NAA50: variants seen among roughly 807,000 people sequenced by gnomAD.
NAA50 encodes N-alpha-acetyltransferase 50, NatE catalytic subunit, also known as N-alpha-acetyltransferase 50.
In NAA50, 7 loss-of-function variants were observed where a neutral mutation model predicts 20.7. The observed-to-expected ratio is 0.34, with a 90% CI of 0.19 to 0.63. The LOEUF is 0.63. NAA50 is among the 30% of genes least tolerant of loss of function. The pLI is 0.75. For synonymous variants in NAA50, 54 were observed against 70.6 expected, an observed-to-expected ratio of 0.77 and a Z score of 1.18; for missense variants, 111 against 199.1, an observed-to-expected ratio of 0.56 and a Z score of 2.66.
chr3:113,723,360 A>C (rs1708159533), intron 3 of NAA50, 62 bp downstream of exon 3: 1 of 1,493,910 alleles, frequency 6.7e-7, no homozygotes, highest in Non-Finnish European at 9.1e-7. Context: ...ACTAGGTCAG[A>C]CACATTAACA....
chr3:113,740,677 A>C (rs528915369), intron 1 of NAA50: 3 of 165,254 alleles, frequency 1.8e-5, no homozygotes, highest in African/African-American at 7.2e-5. Context: ...TACCCAGCTG[A>C]GAATCCGAGC....
intron 1 of NAA50, among the ~76,000 whole-genome samples, chr3:113,733,335 C>G (rs1708294545): frequency 7.5e-6 from 1 of 134,090 alleles, no homozygotes; most frequent in Non-Finnish European, 1.7e-5. Context: ...TCTAAAACTA[C>G]TCAATTTTTT....
At chr3:113,736,160 A>T (rs1161216844) in intron 1 of NAA50, among the ~76,000 whole-genome samples, 1 of 152,212 alleles carries the variant, frequency 6.6e-6, no homozygotes, top group Non-Finnish European at 1.5e-5. Context: ...AAAATTGAAG[A>T]CAGTTGTTAT....
At chr3:113,740,614 G>A (rs1360116475) in intron 1 of NAA50, among the ~76,000 whole-genome samples, 1 of 152,176 alleles carries the variant, frequency 6.6e-6, no homozygotes, top group Non-Finnish European at 1.5e-5. Context: ...GGGCTCAAGT[G>A]ATCCTCCTGC....
intron 1 of NAA50, among the ~76,000 whole-genome samples, chr3:113,744,085 T>C (rs957968366): frequency 9.9e-5 from 15 of 152,182 alleles, no homozygotes; most frequent in African/African-American, 3.4e-4. Context: ...CTCATTTTTC[T>C]TACTTAACAG....
chr3:113,731,026 T>G (rs1221041527), intron 1 of NAA50, among the ~76,000 whole-genome samples: 1 of 152,212 alleles, frequency 6.6e-6, no homozygotes, highest in Non-Finnish European at 1.5e-5. Context: ...CTTTTAAAAT[T>G]TATGCTAACA....
intron 1 of NAA50, among the ~76,000 whole-genome samples, chr3:113,729,497 CCTT>C (rs896000862): frequency 3.3e-5 from 5 of 151,734 alleles, no homozygotes; most frequent in Non-Finnish European, 1.5e-5. Flanking sequence ...TGGCAATACT[CCTT>C]GTTTTAAAGT....
At position 113,721,799 on chromosome 3, in the gene NAA50, AG is replaced by A; in HGVS notation, c.470del (p.Pro157LeufsTer34). The A allele has an allele frequency of 6.2e-7, 1 of 1,613,950 alleles. No individual in the cohort carries two copies. The highest frequency in any genetic ancestry group is 8.5e-7 in the Non-Finnish European group (1 of 1,179,850). On this transcript the variant is annotated frameshift_variant, in exon 5 of 5. Transcript: ENST00000240922. LOFTEE classifies it high-confidence loss of function. ...AHVLQKNLKVPSGQNADVQKT... is the reference protein window; with the variant it reads ...AHVLQKNLKVXSGQNADVQKT... Reference sequence around the variant, plus strand: ...TTTGCACATCTGCATTCTGACCAGAAGGAACTTTGAGGTTTTTCTGCAGCAC... The same window carrying A: ...TTTGCACATCTGCATTCTGACCAGAAGAACTTTGAGGTTTTTCTGCAGCAC...
chr3:113,731,118 C>T (rs1708266497), intron 1 of NAA50, among the ~76,000 whole-genome samples: 1 of 152,150 alleles, frequency 6.6e-6, no homozygotes, highest in African/African-American at 2.4e-5. Flanking sequence ...TCATGTATTT[C>T]TTTGCCATTC....
At chr3:113,724,961 A>G (rs1708183633) in intron 1 of NAA50, among the ~76,000 whole-genome samples, 1 of 152,140 alleles carries the variant, frequency 6.6e-6, no homozygotes, top group African/African-American at 2.4e-5. Context: ...TCCCTGCGCA[A>G]CTGTGAGTCA....
In NAA50 at chr3:113,746,099, C is replaced by T; in HGVS notation, c.-150G>A. On this transcript the variant is annotated 5_prime_UTR_variant, in exon 1 of 5. Coordinates refer to ENST00000240922, the MANE Select transcript of NAA50 (RefSeq NM_025146.4). Reference sequence around the variant, plus strand: ...GGAGCTGTGCGAGCAACGAAGGCCGCGAGAGTCGAGTGAGGGCTTGAGTCT... The same window carrying T: ...GGAGCTGTGCGAGCAACGAAGGCCGTGAGAGTCGAGTGAGGGCTTGAGTCT... The T allele has an allele frequency of 1.0e-6, 1 of 1,002,524 alleles. No individual in the cohort carries two copies. 62.1% of individuals were successfully genotyped at this position (1,002,524 alleles called of 1,614,324 possible).
chr3:113,719,966 T>G lies in NAA50; in HGVS notation c.*1794A>C, dbSNP rs1173808255. 1 of 152,668 alleles carries G rather than the reference T, an allele frequency of 6.6e-6. No individual in the cohort carries two copies. The highest frequency in any genetic ancestry group is 1.5e-5 in the Non-Finnish European group (1 of 68,030). 9.5% of individuals were successfully genotyped at this position (152,668 alleles called of 1,614,324 possible). A position where few individuals can be genotyped will look rare whatever the true frequency, so the allele number is the denominator to read the frequency against. The stretch of plus-strand genomic sequence containing the variant: ...CTTGCCAAGAGCAAGCTGAAGCTTA[T>G]TCATGAAGATAAAGGTGCTTAACGC... On this transcript the variant is annotated 3_prime_UTR_variant, in exon 5 of 5. Transcript: ENST00000240922.
At chr3:113,737,491 C>A (rs536233966) in intron 1 of NAA50, among the ~76,000 whole-genome samples, 57 of 152,330 alleles carry the variant, frequency 3.7e-4, no homozygotes, top group Admixed American at 1.3e-3. Context: ...GAGATTTCTA[C>A]CTCATATGAA....
At chr3:113,738,513 T>G (rs1479648447) in intron 1 of NAA50, among the ~76,000 whole-genome samples, 1 of 152,250 alleles carries the variant, frequency 6.6e-6, no homozygotes, top group East Asian at 1.9e-4. Context: ...TTAATCTCTG[T>G]TAATTCTGCT....
chr3:113,721,577 T>A lies in NAA50; in HGVS notation c.*183A>T, dbSNP rs1164986643. ...AAAATAAGAGAAAACAATTCAAACA[T>A]GATTATTTTTTTAAAGTCCTTGAAA... On this transcript the variant is annotated 3_prime_UTR_variant, in exon 5 of 5. Coordinates refer to ENST00000240922, the MANE Select transcript of NAA50 (RefSeq NM_025146.4). 1.5e-6 allele frequency: 1 copy of A among 645,728 alleles called. No individual in the cohort carries two copies. Among genetic ancestry groups the A allele is most frequent in the African/African-American group, 1.8e-5 (1 of 54,386 alleles). The allele number at this position is 645,728 out of a possible 1,614,324, so 40.0% of individuals were successfully genotyped here. A position where few individuals can be genotyped will look rare whatever the true frequency, so the allele number is the denominator to read the frequency against.
At chr3:113,733,101 A>G (rs1392826301) in intron 1 of NAA50, among the ~76,000 whole-genome samples, 1 of 150,620 alleles carries the variant, frequency 6.6e-6, no homozygotes, top group Non-Finnish European at 1.5e-5. Flanking sequence ...TTTTTACACT[A>G]ATTTTGTACT....
chr3:113,733,123 A>G (rs571863005), intron 1 of NAA50, among the ~76,000 whole-genome samples: 3 of 151,646 alleles, frequency 2.0e-5, no homozygotes, highest in East Asian at 3.9e-4. Flanking sequence ...CTGCTTTTAC[A>G]TTGGATTGCT....
At chr3:113,730,455 A>AG (rs1214251381) in intron 1 of NAA50, among the ~76,000 whole-genome samples, 4 of 151,364 alleles carry the variant, frequency 2.6e-5, no homozygotes, top group African/African-American at 9.7e-5. Flanking sequence ...GAAAAAAAAA[A>AG]GAAAAAAAAA....
chr3:113,741,072 C>A, intron 1 of NAA50: 1 of 512,114 alleles, frequency 2.0e-6, no homozygotes, highest in South Asian at 1.6e-5. Flanking sequence ...ACAAGCTGTC[C>A]ACATACAGCA....
Sources: allele counts gnomAD v4.1 joint callset (sites outside exome capture counted in the v4.1 genomes callset), GRCh38; gene constraint gnomAD v4.1.1; transcripts MANE v1.5; gene names NCBI Gene and HGNC (gene_info 2026-07-23, HGNC 2026-07-21).